Variants in ANTXR1 observed in about 807,000 individuals in gnomAD.
ANTXR1 encodes the protein anthrax toxin receptor 1.
Under a neutral mutation model 78.1 loss-of-function variants are expected in ANTXR1, and 19 were observed. The ratio of observed to expected loss-of-function variants is 0.24; its 90% CI spans 0.17 to 0.36. The LOEUF (loss-of-function observed/expected upper bound fraction) is 0.36. Among genes scored for constraint, ANTXR1 ranks in the 10% least tolerant of loss-of-function variants. The probability of loss-of-function intolerance (pLI) is 1.00; values close to 1 mark genes in which losing one functional copy is unlikely to be tolerated. For missense variants in ANTXR1, 518 were observed against 718.6 expected (o/e 0.72, Z 3.19); for synonymous variants, 273 against 260.5 (o/e 1.05, Z -0.46).
intron 17 of ANTXR1, among the ~76,000 whole-genome samples, chr2:69,213,263 C>T (rs1057490518): frequency 5.9e-5 from 9 of 152,176 alleles, no homozygotes; most frequent in Non-Finnish European, 1.0e-4. Context: ...ACTAGAACCT[C>T]AAATCTATGG....
At chr2:69,172,526 C>T in intron 14 of ANTXR1, 1 of 1,418,020 alleles carries the variant, frequency 7.1e-7, no homozygotes, top group East Asian at 2.5e-5. Flanking sequence ...ATCCCAGTGT[C>T]TAACATTCAA....
chr2:69,164,694 G>A (rs1035780129), intron 13 of ANTXR1, among the ~76,000 whole-genome samples: 15 of 152,202 alleles, frequency 9.9e-5, no homozygotes, highest in Admixed American at 3.9e-4. Context: ...AATCCAGGCC[G>A]TGCCAGCCTT....
intron 1 of ANTXR1, among the ~76,000 whole-genome samples, chr2:69,021,943 C>G (rs1671201748): frequency 6.6e-6 from 1 of 152,172 alleles, no homozygotes; most frequent in African/African-American, 2.4e-5. Flanking sequence ...CTTCTCTTTT[C>G]CTCCCTTCCC....
chr2:69,023,357 A>G (rs1314041921), intron 1 of ANTXR1, among the ~76,000 whole-genome samples: 2 of 151,932 alleles, frequency 1.3e-5, no homozygotes, highest in African/African-American at 4.8e-5. Context: ...GATTATGGCA[A>G]TGTTGATAGT....
At chr2:69,144,129 G>A (rs59829264) in intron 12 of ANTXR1, among the ~76,000 whole-genome samples, 1 of 152,118 alleles carries the variant, frequency 6.6e-6, no homozygotes, top group East Asian at 1.9e-4. Flanking sequence ...GCTTGGGATG[G>A]TTCTAAATTC....
intron 17 of ANTXR1, among the ~76,000 whole-genome samples, chr2:69,202,595 C>G (rs1488322949): frequency 6.6e-6 from 1 of 152,146 alleles, no homozygotes; most frequent in African/African-American, 2.4e-5. Context: ...TGCAGGAACT[C>G]TTAGGAGAAG....
intron 9 of ANTXR1, among the ~76,000 whole-genome samples, chr2:69,100,847 G>A (rs1337865879): frequency 6.6e-6 from 1 of 152,230 alleles, no homozygotes; most frequent in Non-Finnish European, 1.5e-5. Context: ...GAATCTGTCA[G>A]ATGCCTGACA....
At chr2:69,174,624 CA>C (rs913750560) in intron 14 of ANTXR1, among the ~76,000 whole-genome samples, 48 of 142,054 alleles carry the variant, frequency 3.4e-4, no homozygotes, top group Admixed American at 4.2e-4. Flanking sequence ...GACTCTATCT[CA>C]AAAAAAAAAA....
Position 69,245,742 on chromosome 2 carries a change from C to A in ANTXR1, c.*257C>A, listed in dbSNP as rs1043956311. The A allele has an allele frequency of 2.5e-5, 12 of 471,464 alleles. No individual in the cohort carries two copies. In the Admixed American group the frequency reaches 3.9e-4, roughly 15 times the overall value. The allele number at this position is 471,464 out of a possible 1,614,324, so 29.2% of individuals were successfully genotyped here. A position where few individuals can be genotyped will look rare whatever the true frequency, so the allele number is the denominator to read the frequency against. On this transcript the variant is annotated 3_prime_UTR_variant, in exon 18 of 18. Transcript: ENST00000303714. ...TATCACCTCTAGAAGGTTCCAGAGA[C>A]AGTGAAACTGCAAGATGCTCTCAAC...
At chr2:69,177,659 G>T (rs913405552) in intron 14 of ANTXR1, among the ~76,000 whole-genome samples, 19 of 152,082 alleles carry the variant, frequency 1.2e-4, no homozygotes, top group Non-Finnish European at 1.0e-4. Context: ...CCTACTCCTC[G>T]CTTCTTCCGC....
At chr2:69,082,244 C>A (rs1466370568) in intron 8 of ANTXR1, among the ~76,000 whole-genome samples, 2 of 152,174 alleles carry the variant, frequency 1.3e-5, no homozygotes, top group Admixed American at 1.3e-4. Flanking sequence ...GGATGAAGTA[C>A]CATCGTCCTG....
rs529503060 is a variant in ANTXR1 at position 69,160,979 on chromosome 2, G to C, written c.1047+8715G>C. 2.0e-3 allele frequency among the ~76,000 whole-genome samples: 298 copies of C among 152,308 alleles called. 1 individual carries two copies. The highest frequency in any genetic ancestry group is 7.0e-3 in the African/African-American group (289 of 41,570). ...CTCTTTTGTGCCCTCCCTGGAGGCT[G>C]TATCAATATCAACAAGCTTGAACAT... On this transcript the variant is annotated intron_variant, in intron 13 of 17. Coordinates refer to ENST00000303714, the MANE Select transcript of ANTXR1 (RefSeq NM_032208.3).
At position 69,123,018 on chromosome 2, in the gene ANTXR1, T is replaced by C; in HGVS notation, c.804T>C (p.Asn268=). 1.9e-6 allele frequency: 3 copies of C among 1,614,168 alleles called. No individual in the cohort carries two copies. The highest frequency in any genetic ancestry group is 2.5e-6 in the Non-Finnish European group (3 of 1,179,996). The part of the protein sequence containing the change: ...SFKINDSVTL[N]EKPFSVEDTY... Reference sequence around the variant, plus strand: ...AATCCAGTGATTTCCTTTTTGCAGATGAGAAGCCCTTTTCTGTGGAAGATA... The same window carrying C: ...AATCCAGTGATTTCCTTTTTGCAGACGAGAAGCCCTTTTCTGTGGAAGATA... Residue 268 remains asparagine, a splice_region_variant and synonymous_variant, in exon 11 of 18, where the codon AAT becomes AAC. Coordinates refer to ENST00000303714, the MANE Select transcript of ANTXR1 (RefSeq NM_032208.3).
intron 3 of ANTXR1, among the ~76,000 whole-genome samples, chr2:69,050,406 T>C (rs187098737): frequency 6.7e-6 from 1 of 150,074 alleles, no homozygotes; most frequent in East Asian, 1.9e-4. Flanking sequence ...TGTTTCTGGT[T>C]TGATTTAAGC....
intron 10 of ANTXR1, among the ~76,000 whole-genome samples, chr2:69,121,525 C>A (rs1260433547): frequency 6.6e-6 from 1 of 152,202 alleles, no homozygotes; most frequent in Non-Finnish European, 1.5e-5. Context: ...CAGATGTGTC[C>A]TCTATCTCCC....
chr2:69,112,875 A>G (rs968648251), intron 10 of ANTXR1, among the ~76,000 whole-genome samples: 1 of 152,148 alleles, frequency 6.6e-6, no homozygotes, highest in African/African-American at 2.4e-5. Context: ...AAAAATACAG[A>G]TACGTTGAAA....
chr2:69,066,794 A>T (rs957699142), intron 3 of ANTXR1, among the ~76,000 whole-genome samples: 1 of 152,210 alleles, frequency 6.6e-6, no homozygotes, highest in African/African-American at 2.4e-5. Context: ...TGCAAAAGGA[A>T]CACAAAACAA....
At chr2:69,225,579 G>A (rs1037584359) in intron 17 of ANTXR1, among the ~76,000 whole-genome samples, 5 of 152,170 alleles carry the variant, frequency 3.3e-5, no homozygotes, top group South Asian at 4.1e-4. Context: ...GACACCTCAA[G>A]GCAGGGAAAT....
At chr2:69,145,739 C>T in intron 12 of ANTXR1, 3 of 1,038,586 alleles carry the variant, frequency 2.9e-6, no homozygotes, top group Non-Finnish European at 3.5e-6. Context: ...ATTCTATCCT[C>T]CTCCCTTTCC....
Sources: gnomAD v4.1 joint callset for allele counts (sites outside exome capture counted in the v4.1 genomes callset) on GRCh38, gnomAD v4.1.1 for gene constraint, MANE v1.5 for transcripts, NCBI Gene and HGNC (gene_info 2026-07-23, HGNC 2026-07-21) for gene names.